The following CEP290 variants were observed in gnomAD, a reference collection of about 807,000 sequenced individuals.
CEP290 encodes centrosomal protein of 290 kDa.
CEP290 carries 317 observed loss-of-function variants against 344.9 expected under a neutral mutation model. The ratio of observed to expected loss-of-function variants is 0.92; its 90% CI spans 0.84 to 1.01. CEP290 has a LOEUF of 1.01. CEP290 is among the 50% of genes least tolerant of loss of function. The pLI, the probability that CEP290 is intolerant of heterozygous loss-of-function variation, is 0.00. For missense variants in CEP290, 2,754 were observed against 2,761.4 expected, an observed-to-expected ratio of 1.00 and a Z score of 0.06; for synonymous variants, 932 against 895.8, an observed-to-expected ratio of 1.04 and a Z score of -0.72.
Position 88,111,193 on chromosome 12 carries a change from T to G in CEP290, c.2367+9A>C, listed in dbSNP as rs751292446. The G allele has an allele frequency of 3.7e-6, 5 of 1,347,546 alleles. No individual in the cohort carries two copies. Among genetic ancestry groups the G allele is most frequent in the Non-Finnish European group, 4.8e-6 (5 of 1,039,558 alleles). 83.5% of individuals were successfully genotyped at this position (1,347,546 alleles called of 1,614,324 possible). On this transcript the variant is annotated intron_variant, in intron 22 of 53. Transcript: ENST00000552810. Reference sequence around the variant, plus strand: ...AAATTTTCAATACCTGTAACAAAATTTTCAATACCTGTAACAAATGTATTA... The same window carrying G: ...AAATTTTCAATACCTGTAACAAAATGTTCAATACCTGTAACAAATGTATTA...
chr12:88,141,335 C>G lies in CEP290; in HGVS notation c.-27-1G>C. ...TGAATTCTTTCACTGTGCTCCACCT[C>G]TGTAACAAAACAGGTGTATATTAGC... On this transcript the variant is annotated splice_acceptor_variant, in intron 1 of 53. Coordinates refer to ENST00000552810, the MANE Select transcript of CEP290 (RefSeq NM_025114.4). LOFTEE classifies it low-confidence loss of function (5UTR_SPLICE). 1 of 1,485,866 alleles carries G rather than the reference C, an allele frequency of 6.7e-7. No individual in the cohort carries two copies. The highest frequency in any genetic ancestry group is 9.3e-7 in the Non-Finnish European group (1 of 1,075,824). 92.0% of individuals were successfully genotyped at this position (1,485,866 alleles called of 1,614,324 possible). A position where few individuals can be genotyped will look rare whatever the true frequency, so the allele number is the denominator to read the frequency against.
chr12:88,073,838 G>A (rs910244616), intron 41 of CEP290, among the ~76,000 whole-genome samples: 11 of 152,098 alleles, frequency 7.2e-5, no homozygotes, highest in Non-Finnish European at 1.0e-4. Context: ...CGACTTTCTC[G>A]AATACTAGAG....
intron 26 of CEP290, among the ~76,000 whole-genome samples, 189 bp downstream of exon 26, chr12:88,102,641 TTGTGTGTG>T (rs59853208): frequency 6.0e-5 from 9 of 151,146 alleles, no homozygotes; most frequent in Non-Finnish European, 1.3e-4. Context: ...AGATAATATA[TTGTGTGTG>T]TGTGTGTGTG....
At chr12:88,090,865 A>C in intron 29 of CEP290, 26 bp from the exon 30 acceptor site, 1 of 1,394,470 alleles carries the variant, frequency 7.2e-7, no homozygotes, top group Non-Finnish European at 9.9e-7. Flanking sequence ...GTATTTCAGG[A>C]ACAATTAAGT....
At chr12:88,124,334 C>G (rs1014425901) in intron 13 of CEP290, among the ~76,000 whole-genome samples, 1 of 152,108 alleles carries the variant, frequency 6.6e-6, no homozygotes, top group African/African-American at 2.4e-5. Context: ...TCCTGCTTTA[C>G]TGCCTTTGAA....
intron 27 of CEP290, among the ~76,000 whole-genome samples, chr12:88,095,321 A>G (rs1463966232): frequency 6.6e-6 from 1 of 152,168 alleles, no homozygotes; most frequent in Non-Finnish European, 1.5e-5. Flanking sequence ...CCTAGATGAA[A>G]AAAAGCTAAT....
At position 88,139,567 on chromosome 12, in the gene CEP290, A is replaced by G. The variant is rs770415774; in HGVS notation, c.181-3T>C. The G allele has an allele frequency of 6.4e-7, 1 of 1,562,210 alleles. No homozygotes were observed. Among genetic ancestry groups the G allele is most frequent in the Non-Finnish European group, 8.6e-7 (1 of 1,157,104 alleles). On this transcript the variant is annotated splice_region_variant and splice_polypyrimidine_tract_variant and intron_variant, in intron 3 of 53. Coordinates refer to ENST00000552810, the MANE Select transcript of CEP290 (RefSeq NM_025114.4). ...AGCTCCACTTCTTGAGCTTTCATCT[A>G]AACATTAAAAAAAGGTTATTTCAAT...
intron 22 of CEP290, 88 bp downstream of exon 22, chr12:88,111,108 TAAAATA>T: frequency 2.8e-6 from 2 of 724,686 alleles, no homozygotes; most frequent in Non-Finnish European, 4.0e-6. Context: ...TAAAATAAAG[TAAAATA>T]AAAATAAAAA....
At position 88,077,323 on chromosome 12, in the gene CEP290, T is replaced by C; in HGVS notation, c.5608A>G (p.Lys1870Glu). 1 of 1,573,166 alleles carries C rather than the reference T, an allele frequency of 6.4e-7. No homozygotes were observed. The highest frequency in any genetic ancestry group is 2.3e-5 in the East Asian group (1 of 44,010). The change falls in exon 41 of 54, where the codon AAA (lysine) becomes GAA (glutamate). Residue 1870 changes from lysine (K) to glutamate (E), a missense_variant. Lys to Glu is a moderately conservative substitution (Grantham distance 56, BLOSUM62 1). Coordinates refer to ENST00000552810, the MANE Select transcript of CEP290 (RefSeq NM_025114.4). ...TGGAGTTCTTCAATTAGACTTTGTT[T>C]ATTATCTGTCAGGGGTTTGCCCTAA... ...GLQGKPLTDN[K>E]QSLIEELQRK...
At chr12:88,118,452 C>T in intron 17 of CEP290, 31 bp downstream of exon 17, 1 of 1,487,746 alleles carries the variant, frequency 6.7e-7, no homozygotes, top group Non-Finnish European at 9.1e-7. Flanking sequence ...ATCAATAATT[C>T]TTTTTAAAGG....
At chr12:88,087,985 T>C in intron 31 of CEP290, 41 bp from the exon 32 acceptor site, 2 of 828,450 alleles carry the variant, frequency 2.4e-6, no homozygotes, top group Non-Finnish European at 3.3e-6. Flanking sequence ...AAATGCTATA[T>C]TAACAAATAA....
At chr12:88,140,525 A>T (rs2040586272) in intron 3 of CEP290, among the ~76,000 whole-genome samples, 1 of 152,164 alleles carries the variant, frequency 6.6e-6, no homozygotes, top group South Asian at 2.1e-4. Flanking sequence ...CTCAGTATTT[A>T]TTTATGGTAA....
chr12:88,091,882 T>G (rs2037073348), intron 29 of CEP290, among the ~76,000 whole-genome samples: 3 of 152,128 alleles, frequency 2.0e-5, no homozygotes, highest in Admixed American at 1.3e-4. Flanking sequence ...ATACAGCATA[T>G]AGCTGGCACA....
Position 88,071,909 on chromosome 12 carries a change from T to G in CEP290, c.5727A>C (p.Leu1909Phe). 2 of 1,596,234 alleles carry G rather than the reference T, an allele frequency of 1.3e-6. No homozygotes were observed. The highest frequency in any genetic ancestry group is 8.5e-7 in the Non-Finnish European group (1 of 1,173,418). Reference sequence around the variant, plus strand: ...ACTTTTTACCTTCTTCCCACCTAATTAATTCTTCTTTAGCATTCTGTAACA... The same window carrying G: ...ACTTTTTACCTTCTTCCCACCTAATGAATTCTTCTTTAGCATTCTGTAACA... ...PMKEKNAKEE[L>F]IRWEEGKKWQ... Residue 1909 changes from leucine to phenylalanine, a missense_variant, in exon 42 of 54, where the codon TTA becomes TTC. Transcript: ENST00000552810.
chr12:88,059,954 T>C lies in CEP290; in HGVS notation c.6589A>G (p.Lys2197Glu). The C allele has an allele frequency of 6.3e-7, 1 of 1,591,410 alleles. No individual in the cohort carries two copies. Among genetic ancestry groups the C allele is most frequent in the Non-Finnish European group, 8.6e-7 (1 of 1,168,576 alleles). The change falls in exon 48 of 54, where the codon AAA (lysine) becomes GAA (glutamate). Residue 2197 changes from lysine (K) to glutamate (E), a missense_variant. Coordinates refer to ENST00000552810, the MANE Select transcript of CEP290 (RefSeq NM_025114.4). ...QLSMHYESKT[K>E]GTEKIIAENE... ...TCAGCAATAATTTTTTCTGTGCCTTTGGTCTTGGATTCATAGTGCATGCTC... is the reference window on the plus strand; with the variant it reads ...TCAGCAATAATTTTTTCTGTGCCTTCGGTCTTGGATTCATAGTGCATGCTC...
In CEP290 at chr12:88,125,331, G is replaced by T; in HGVS notation, c.1104C>A (p.Thr368=). The T allele has an allele frequency of 1.5e-6, 2 of 1,311,132 alleles. No individual in the cohort carries two copies. Among genetic ancestry groups the T allele is most frequent in the South Asian group, 2.2e-5 (1 of 45,710 alleles). The allele number at this position is 1,311,132 out of a possible 1,614,324, so 81.2% of individuals were successfully genotyped here. A position where few individuals can be genotyped will look rare whatever the true frequency, so the allele number is the denominator to read the frequency against. Residue 368 remains threonine, a synonymous_variant, in exon 13 of 54, where the codon ACC becomes ACA. Coordinates refer to ENST00000552810, the MANE Select transcript of CEP290 (RefSeq NM_025114.4). ...QERDSQIKML[T]EQVEQYTKEM... The stretch of plus-strand genomic sequence containing the variant: ...CTTTTGTATATTGTTCTACTTGTTC[G>T]GTGAGCATCTTAATTTGACTGTCTC...
rs2039366077 is a variant in CEP290 at position 88,121,044 on chromosome 12, C to T, written c.1312G>A (p.Asp438Asn). Residue 438 changes from aspartate (D) to asparagine (N), a missense_variant, in exon 14 of 54, where the codon GAT (aspartate) becomes AAT (asparagine). Coordinates refer to ENST00000552810, the MANE Select transcript of CEP290 (RefSeq NM_025114.4). ...TTCAGAGCCTCAACTAATTCTTTAT[C>T]CTTTTCCCTAGCATCAGCCTCAGCC... ...ELAEADAREKDKELVEALKRL... is the reference protein window; with the variant it reads ...ELAEADAREKNKELVEALKRL... 3 of 1,613,434 alleles carry T rather than the reference C, an allele frequency of 1.9e-6. No homozygotes were observed. The highest frequency in any genetic ancestry group is 2.2e-5 in the East Asian group (1 of 44,856).
rs1391226067 is a variant in CEP290 at position 88,077,342 on chromosome 12, G to A, written c.5589C>T (p.Gly1863=). Reference sequence around the variant, plus strand: ...TTTGTTTATTATCTGTCAGGGGTTTGCCCTAAAAAATAAAATGTAACTTTA... The same window carrying A: ...TTTGTTTATTATCTGTCAGGGGTTTACCCTAAAAAATAAAATGTAACTTTA... ...QIKRLTSGLQ[G]KPLTDNKQSL... Residue 1863 remains glycine, a splice_region_variant and synonymous_variant, in exon 41 of 54, where the codon GGC becomes GGT. Coordinates refer to ENST00000552810, the MANE Select transcript of CEP290 (RefSeq NM_025114.4). 2.7e-6 allele frequency: 4 copies of A among 1,498,438 alleles called. No individual in the cohort carries two copies. Among genetic ancestry groups the A allele is most frequent in the Admixed American group, 2.4e-5 (1 of 41,378 alleles). 92.8% of individuals were successfully genotyped at this position (1,498,438 alleles called of 1,614,324 possible). A position where few individuals can be genotyped will look rare whatever the true frequency, so the allele number is the denominator to read the frequency against.
chr12:88,114,505 T>C lies in CEP290; in HGVS notation c.1967A>G (p.Gln656Arg). Reference sequence around the variant, plus strand: ...ATCTTTCTGCATTTCCTTAATTGCTTGCAATATTTCTTTCATACCTTCTTC... The same window carrying C: ...ATCTTTCTGCATTTCCTTAATTGCTCGCAATATTTCTTTCATACCTTCTTC... ...QLEEGMKEILQAIKEMQKDPD... is the reference protein window; with the variant it reads ...QLEEGMKEILRAIKEMQKDPD... The change falls in exon 20 of 54, where the codon CAA becomes CGA. Residue 656 changes from glutamine to arginine, a missense_variant. Coordinates refer to ENST00000552810, the MANE Select transcript of CEP290 (RefSeq NM_025114.4). 1 of 1,545,784 alleles carries C rather than the reference T, an allele frequency of 6.5e-7. No individual in the cohort carries two copies. The highest frequency in any genetic ancestry group is 8.7e-7 in the Non-Finnish European group (1 of 1,144,074).
Sources: gnomAD v4.1 joint callset for allele counts (sites outside exome capture counted in the v4.1 genomes callset) on GRCh38, gnomAD v4.1.1 for gene constraint, MANE v1.5 for transcripts, NCBI Gene and HGNC (gene_info 2026-07-23, HGNC 2026-07-21) for gene names.